TRDN: variants seen among roughly 807,000 people sequenced by gnomAD.
TRDN encodes triadin in skeletal muscle.
A neutral mutation model predicts 149.7 loss-of-function variants in TRDN; 161 were observed. The observed-to-expected ratio is 1.08, with a 90% CI of 0.95 to 1.23. The LOEUF (loss-of-function observed/expected upper bound fraction) is 1.23. Ranked by LOEUF, TRDN falls within the 50% of genes most tolerant of loss-of-function variation. The pLI, the probability that TRDN is intolerant of heterozygous loss-of-function variation, is 0.00. For missense variants in TRDN, 896 were observed against 823.5 expected, an observed-to-expected ratio of 1.09 and a Z score of -1.08; for synonymous variants, 294 against 250.5, an observed-to-expected ratio of 1.17 and a Z score of -1.64.
chr6:123,338,198 A>G (rs1273180953), intron 21 of TRDN, among the ~76,000 whole-genome samples: 1 of 152,170 alleles, frequency 6.6e-6, no homozygotes, highest in Non-Finnish European at 1.5e-5. Context: ...TGAAGGATGT[A>G]AGAAAGTATG....
intron 38 of TRDN, among the ~76,000 whole-genome samples, chr6:123,224,576 T>C (rs938329398): frequency 6.6e-6 from 1 of 151,734 alleles, no homozygotes; most frequent in African/African-American, 2.4e-5. Context: ...TTTTTGACAA[T>C]TCTAAAAAGC....
chr6:123,264,330 G>A (rs111606319), intron 33 of TRDN, among the ~76,000 whole-genome samples: 8 of 152,174 alleles, frequency 5.3e-5, no homozygotes, highest in African/African-American at 1.2e-4. Flanking sequence ...GGATGACTTC[G>A]AGAGGTTTAA....
chr6:123,526,175 C>T (rs932297518), intron 5 of TRDN, among the ~76,000 whole-genome samples: 9 of 152,024 alleles, frequency 5.9e-5, no homozygotes, highest in Non-Finnish European at 1.0e-4. Flanking sequence ...AAGATGCATA[C>T]AGTCTATGCA....
chr6:123,296,995 T>C lies in TRDN; in HGVS notation c.1511-17913A>G, dbSNP rs1342644149. ...AAGTAGAAATATTATTTATGGTGTT[T>C]TTTATTTTTAAAAGCAGCAATAATG... On this transcript the variant is annotated intron_variant, in intron 24 of 40. Transcript: ENST00000334268. 2.0e-5 allele frequency among the ~76,000 whole-genome samples: 3 copies of C among 152,076 alleles called. No individual in the cohort carries two copies. In the East Asian group the frequency reaches 5.8e-4, roughly 29 times the overall value.
intron 33 of TRDN, among the ~76,000 whole-genome samples, chr6:123,262,598 A>G (rs2114593011): frequency 6.6e-6 from 1 of 152,176 alleles, no homozygotes; most frequent in South Asian, 2.1e-4. Flanking sequence ...GCTTCGCTTA[A>G]TTGCAATTCT....
intron 7 of TRDN, among the ~76,000 whole-genome samples, chr6:123,510,645 T>A (rs1779129219): frequency 2.0e-4 from 1 of 5,086 alleles, no homozygotes; most frequent in Non-Finnish European, 7.8e-4. Flanking sequence ...ATGACCACTT[T>A]TTTTTTTTTT....
At chr6:123,282,591 T>C (rs1451789190) in intron 24 of TRDN, among the ~76,000 whole-genome samples, 1 of 151,914 alleles carries the variant, frequency 6.6e-6, no homozygotes. Flanking sequence ...CGCTAAAGCC[T>C]ATATATTATG....
At chr6:123,295,171 A>AGT (rs890377633) in intron 24 of TRDN, among the ~76,000 whole-genome samples, 23 of 152,246 alleles carry the variant, frequency 1.5e-4, no homozygotes, top group African/African-American at 4.6e-4. Flanking sequence ...TTGCCATGAC[A>AGT]ACACCCAGGA....
At chr6:123,243,990 T>G (rs554021445) in intron 38 of TRDN, among the ~76,000 whole-genome samples, 1 of 152,136 alleles carries the variant, frequency 6.6e-6, no homozygotes, top group Admixed American at 6.6e-5. Flanking sequence ...TGTCAACAAC[T>G]ACAGAATATA....
chr6:123,585,671 CGT>C (rs1783439307), intron 1 of TRDN, among the ~76,000 whole-genome samples: 3 of 152,266 alleles, frequency 2.0e-5, no homozygotes, highest in South Asian at 2.1e-4. Flanking sequence ...AGTGGGGTTC[CGT>C]ACAGATGGGA....
chr6:123,318,711 C>G (rs187633883), intron 23 of TRDN, among the ~76,000 whole-genome samples: 1 of 152,148 alleles, frequency 6.6e-6, no homozygotes, highest in East Asian at 1.9e-4. Context: ...TCACTCCTGT[C>G]AATCATATTG....
intron 39 of TRDN, among the ~76,000 whole-genome samples, chr6:123,222,576 C>T (rs1004758921): frequency 6.6e-6 from 1 of 151,650 alleles, no homozygotes; most frequent in African/African-American, 2.4e-5. Context: ...AGGTCCTGAC[C>T]TGTGTGTGTT....
chr6:123,353,876 A>T (rs1780558335), intron 20 of TRDN, among the ~76,000 whole-genome samples: 1 of 151,844 alleles, frequency 6.6e-6, no homozygotes, highest in African/African-American at 2.4e-5. Context: ...ATAAATATGT[A>T]TGAACCTCAC....
rs1456744459 is a variant in TRDN at position 123,391,076 on chromosome 6, T to C, written c.1106-2525A>G. ...TGCACCTAACTGATTAAAAAAATAA[T>C]TCCCCATCTCTCTCCTTCCTTTCCA... On this transcript the variant is annotated intron_variant, in intron 13 of 40. Transcript: ENST00000334268. Among the ~76,000 whole-genome samples, 6 of 152,034 alleles carry C rather than the reference T, an allele frequency of 3.9e-5. No homozygotes were observed. In the East Asian group the frequency reaches 1.2e-3, roughly 29 times the overall value.
intron 6 of TRDN, 141 bp downstream of exon 6, chr6:123,516,000 C>A: frequency 1.0e-6 from 1 of 980,756 alleles, no homozygotes; most frequent in Non-Finnish European, 1.3e-6. Flanking sequence ...CCAGAAATTC[C>A]TTTTTTCAGA....
At chr6:123,591,039 A>T (rs1433775694) in intron 1 of TRDN, among the ~76,000 whole-genome samples, 5 of 152,176 alleles carry the variant, frequency 3.3e-5, no homozygotes, top group Non-Finnish European at 7.3e-5. Flanking sequence ...ATTATCAGTA[A>T]TATAAATTTG....
chr6:123,636,553 G>A (rs1000772790), intron 1 of TRDN, among the ~76,000 whole-genome samples: 6 of 151,906 alleles, frequency 3.9e-5, no homozygotes, highest in South Asian at 2.1e-4. Flanking sequence ...AAATTTAAGA[G>A]AAATCTCTTT....
intron 9 of TRDN, among the ~76,000 whole-genome samples, chr6:123,472,224 G>A (rs555793167): frequency 1.5e-3 from 230 of 152,294 alleles, no homozygotes; most frequent in African/African-American, 5.2e-3. Context: ...GTGGGTGCGC[G>A]CACCGTGCGC....
chr6:123,390,972 C>G (rs17686735), intron 13 of TRDN, among the ~76,000 whole-genome samples: 46,580 of 151,840 alleles, frequency 0.31, 7,694 homozygotes, highest in Middle Eastern at 0.4. Context: ...TGCACATACC[C>G]CATCTTTTAA....
Sources: allele counts gnomAD v4.1 joint callset (sites outside exome capture counted in the v4.1 genomes callset), GRCh38; gene constraint gnomAD v4.1.1; transcripts MANE v1.5; gene names NCBI Gene and HGNC (gene_info 2026-07-23, HGNC 2026-07-21).